Variants in SDHB observed in about 807,000 individuals in gnomAD.
The protein encoded by SDHB is succinate dehydrogenase complex iron sulfur subunit B, also known as succinate dehydrogenase [ubiquinone] iron-sulfur subunit, mitochondrial.
Under a neutral mutation model 39.7 loss-of-function variants are expected in SDHB, and 21 were observed. The observed-to-expected ratio is 0.53, with a 90% CI of 0.37 to 0.76. The LOEUF (loss-of-function observed/expected upper bound fraction) is 0.76. Ranked by LOEUF, SDHB falls within the 30% of genes least tolerant of loss-of-function variation. The probability of loss-of-function intolerance (pLI) is 0.00; values close to 1 mark genes in which losing one functional copy is unlikely to be tolerated. For synonymous variants in SDHB, 118 were observed against 117.0 expected (o/e 1.01, Z -0.06); for missense variants, 343 against 350.9 (o/e 0.98, Z 0.18).
In SDHB at chr1:17,023,924, T is replaced by C. The variant is rs200273293; in HGVS notation, c.642+49A>G. ...GCAATCTATTGTCCTCTTGGACTTC[T>C]GGATGCTTGAGTTTCAATTTCTCTT... On this transcript the variant is annotated intron_variant, in intron 6 of 7. Transcript: ENST00000375499. The C allele has an allele frequency of 2.1e-6, 3 of 1,415,112 alleles. No individual in the cohort carries two copies. The African/African-American group carries it at 4.2e-5, about 20-fold the overall frequency. 87.7% of individuals were successfully genotyped at this position (1,415,112 alleles called of 1,614,324 possible). A position where few individuals can be genotyped will look rare whatever the true frequency, so the allele number is the denominator to read the frequency against.
At chr1:17,030,025 C>A (rs1410658164) in intron 3 of SDHB, among the ~76,000 whole-genome samples, 1 of 152,052 alleles carries the variant, frequency 6.6e-6, no homozygotes, top group Non-Finnish European at 1.5e-5. Context: ...AACATGGTAA[C>A]CCCCTGTCTC....
chr1:17,026,473 T>C (rs1246433919), intron 5 of SDHB, among the ~76,000 whole-genome samples: 1 of 152,216 alleles, frequency 6.6e-6, no homozygotes, highest in African/African-American at 2.4e-5. Flanking sequence ...CAAGAGATTC[T>C]CCTGCCTTGG....
chr1:17,046,748 G>C (rs1204819502), intron 1 of SDHB, among the ~76,000 whole-genome samples: 1 of 151,830 alleles, frequency 6.6e-6, no homozygotes, highest in Non-Finnish European at 1.5e-5. Flanking sequence ...ACTGAGTTTT[G>C]CTCTTGTTGC....
intron 5 of SDHB, among the ~76,000 whole-genome samples, chr1:17,025,975 A>C (rs2077989303): frequency 6.6e-6 from 1 of 152,224 alleles, no homozygotes. Context: ...AGTGTAAGGC[A>C]AATATTCCAA....
intron 2 of SDHB, among the ~76,000 whole-genome samples, chr1:17,041,681 G>T (rs1473034083): frequency 1.3e-5 from 2 of 151,528 alleles, no homozygotes; most frequent in East Asian, 3.9e-4. Flanking sequence ...AAATAAAAAA[G>T]AAAAAAAAGA....
At chr1:17,033,008 C>T (rs1468286247) in intron 3 of SDHB, 52 bp downstream of exon 3, 3 of 1,427,556 alleles carry the variant, frequency 2.1e-6, no homozygotes, top group East Asian at 4.6e-5. Context: ...CCAGCCCAAG[C>T]CTCTTTGGAA....
chr1:17,051,878 G>T (rs1021899646), intron 1 of SDHB, among the ~76,000 whole-genome samples: 1 of 144,958 alleles, frequency 6.9e-6, no homozygotes, highest in Non-Finnish European at 1.5e-5. Flanking sequence ...TTTCGCTCTT[G>T]TCGCCCAGGA....
intron 6 of SDHB, among the ~76,000 whole-genome samples, chr1:17,023,386 T>G (rs751557935): frequency 6.6e-6 from 1 of 152,264 alleles, no homozygotes; most frequent in Admixed American, 6.5e-5. Flanking sequence ...CACACAAACC[T>G]GTAACTTCTC....
chr1:17,023,920 C>A (rs2077976897), intron 6 of SDHB, 53 bp downstream of exon 6: 1 of 1,382,026 alleles, frequency 7.2e-7, no homozygotes, highest in Non-Finnish European at 1.0e-6. Flanking sequence ...TCCTCTTGGA[C>A]TTCTGGATGC....
intron 1 of SDHB, among the ~76,000 whole-genome samples, chr1:17,051,999 G>A (rs528942661): frequency 2.6e-4 from 32 of 124,810 alleles, no homozygotes; most frequent in Non-Finnish European, 4.0e-4. Flanking sequence ...CCACCACCAC[G>A]CCCAGCTAAT....
At chr1:17,028,514 C>G in intron 4 of SDHB, 86 bp downstream of exon 4, 1 of 1,435,870 alleles carries the variant, frequency 7.0e-7, no homozygotes, top group Non-Finnish European at 9.7e-7. Context: ...TCAAACAAAT[C>G]CTGCCCTGAA....
At position 17,018,741 on chromosome 1, in the gene SDHB, G is replaced by T; in HGVS notation, c.*140C>A. On this transcript the variant is annotated 3_prime_UTR_variant, in exon 8 of 8. Coordinates refer to ENST00000375499, the MANE Select transcript of SDHB (RefSeq NM_003000.3). ...AGGTTCTTTTTTTTTTGTTAATAAA[G>T]TAGAATAACATTTATTTCTTAAAAT... is the stretch of plus-strand genomic sequence containing the variant. 1 of 657,992 alleles carries T rather than the reference G, an allele frequency of 1.5e-6. No individual in the cohort carries two copies. The highest frequency in any genetic ancestry group is 2.7e-6 in the Non-Finnish European group (1 of 375,260). 40.8% of individuals were successfully genotyped at this position (657,992 alleles called of 1,614,324 possible). A position where few individuals can be genotyped will look rare whatever the true frequency, so the allele number is the denominator to read the frequency against.
At chr1:17,045,420 T>C (rs2078103902) in intron 1 of SDHB, among the ~76,000 whole-genome samples, 1 of 151,784 alleles carries the variant, frequency 6.6e-6, no homozygotes, top group South Asian at 2.1e-4. Flanking sequence ...TTGAGAGCAG[T>C]CTGGGAAACA....
chr1:17,044,326 T>G (rs1480650029), intron 2 of SDHB, among the ~76,000 whole-genome samples: 1 of 141,258 alleles, frequency 7.1e-6, no homozygotes, highest in Non-Finnish European at 1.6e-5. Context: ...AACAACCTCA[T>G]TTTTTTTTTT....
At chr1:17,049,837 G>C (rs2078135581) in intron 1 of SDHB, among the ~76,000 whole-genome samples, 1 of 151,226 alleles carries the variant, frequency 6.6e-6, no homozygotes, top group African/African-American at 2.4e-5. Flanking sequence ...AGTAGGGATG[G>C]GGTTTCACCG....
At chr1:17,019,277 T>C (rs994227933) in intron 7 of SDHB, among the ~76,000 whole-genome samples, 30 of 152,314 alleles carry the variant, frequency 2.0e-4, no homozygotes, top group African/African-American at 6.7e-4. Context: ...GTAGTGTCTC[T>C]TCTAGGACTA....
chr1:17,027,969 A>G, intron 4 of SDHB, 104 bp from the exon 5 acceptor site: 1 of 728,478 alleles, frequency 1.4e-6, no homozygotes, highest in South Asian at 1.4e-5. Flanking sequence ...CTACTCGTCC[A>G]CTCTATGCCA....
At chr1:17,026,505 T>C (rs1459772002) in intron 5 of SDHB, among the ~76,000 whole-genome samples, 1 of 152,098 alleles carries the variant, frequency 6.6e-6, no homozygotes, top group Non-Finnish European at 1.5e-5. Context: ...GCTGGGATTA[T>C]AGGTGTGAGC....
rs895716052 is a variant in SDHB at position 17,028,527 on chromosome 1, A to C, written c.423+73T>G. On this transcript the variant is annotated intron_variant, in intron 4 of 7. Transcript: ENST00000375499. ...ACTCAAACAAATCCTGCCCTGAAAA[A>C]CTAATAGCGTAACACACATAGCACT... is the stretch of plus-strand genomic sequence containing the variant. The C allele has an allele frequency of 5.9e-6, 9 of 1,532,174 alleles. No homozygotes were observed. The African/African-American group carries it at 1.1e-4, about 19-fold the overall frequency. 94.9% of individuals were successfully genotyped at this position (1,532,174 alleles called of 1,614,324 possible). A position where few individuals can be genotyped will look rare whatever the true frequency, so the allele number is the denominator to read the frequency against.
Sources: gnomAD v4.1 joint callset for allele counts (sites outside exome capture counted in the v4.1 genomes callset) on GRCh38, gnomAD v4.1.1 for gene constraint, MANE v1.5 for transcripts, NCBI Gene and HGNC (gene_info 2026-07-23, HGNC 2026-07-21) for gene names.